The following GPX4 variants were observed in gnomAD, a reference collection of about 807,000 sequenced individuals.
The protein encoded by GPX4 is glutathione peroxidase 4, also known as phospholipid hydroperoxide glutathione peroxidase GPX4.
In GPX4, 28 loss-of-function variants were observed where a neutral mutation model predicts 27.8. The ratio of observed to expected loss-of-function variants is 1.01; its 90% CI spans 0.75 to 1.38. GPX4 has a LOEUF of 1.38. GPX4 is among the 40% of genes most tolerant of loss of function. The pLI is 0.00. For synonymous variants in GPX4, 163 were observed against 107.8 expected, an observed-to-expected ratio of 1.51 and a Z score of -3.17; for missense variants, 357 against 274.1, an observed-to-expected ratio of 1.30 and a Z score of -2.14.
At chr19:1,105,074 C>A in intron 1 of GPX4, 112 bp from the exon 2 acceptor site, 1 of 1,487,514 alleles carries the variant, frequency 6.7e-7, no homozygotes, top group Non-Finnish European at 9.2e-7. Context: ...GTCTTCAGGG[C>A]CGCAGGGCCT....
At chr19:1,104,645 C>T in intron 1 of GPX4, 2 of 985,412 alleles carry the variant, frequency 2.0e-6, no homozygotes, top group Non-Finnish European at 2.4e-6. Flanking sequence ...GCGTCACAGT[C>T]GCGCAGTCCT....
intron 5 of GPX4, 37 bp from the exon 6 acceptor site, chr19:1,106,363 G>A: frequency 1.2e-6 from 2 of 1,613,144 alleles, no homozygotes; most frequent in Non-Finnish European, 1.7e-6. Flanking sequence ...GCCCCTTGCA[G>A]GGGTGGCCCC....
chr19:1,104,737 G>C (rs1568531853), intron 1 of GPX4: 1 of 985,562 alleles, frequency 1.0e-6, no homozygotes, highest in Non-Finnish European at 1.2e-6. Context: ...GGGCGGGTAT[G>C]GGCCGCGCGG....
rs769640321 is a variant in GPX4, at chr19:1,106,276, C to T, written c.501+10C>T. 1.3e-6 allele frequency: 2 copies of T among 1,597,946 alleles called. No homozygotes were observed. The highest frequency in any genetic ancestry group is 1.7e-4 in the Middle Eastern group (1 of 6,024). On this transcript the variant is annotated intron_variant, in intron 5 of 6. Transcript: ENST00000354171. ...GTGGAACTTCACCAAGGTAAGGGGG[C>T]TGTGGGGGGTAGGGGACCAGCTTCC...
At position 1,104,144 on chromosome 19, in the gene GPX4, G is replaced by T; in HGVS notation, c.84+17G>T. On this transcript the variant is annotated intron_variant, in intron 1 of 6. Coordinates refer to ENST00000354171, the MANE Select transcript of GPX4 (RefSeq NM_002085.5). ...GGGACCATGGTGAGCTAGCGCCGCGGCCGTTGCCGGCCCGGTGACCGTTGG... is the reference window on the plus strand; with the variant it reads ...GGGACCATGGTGAGCTAGCGCCGCGTCCGTTGCCGGCCCGGTGACCGTTGG... 1 of 1,441,236 alleles carries T rather than the reference G, an allele frequency of 6.9e-7. No homozygotes were observed. The highest frequency in any genetic ancestry group is 9.1e-7 in the Non-Finnish European group (1 of 1,104,276). 89.3% of individuals were successfully genotyped at this position (1,441,236 alleles called of 1,614,324 possible).
At chr19:1,106,055 G>T in intron 4 of GPX4, 187 bp from the exon 5 acceptor site, 3 of 696,540 alleles carry the variant, frequency 4.3e-6, no homozygotes, top group Admixed American at 5.8e-5. Context: ...GGGGGCCTGT[G>T]GGGGGCTGTT....
rs374338127 is a variant in GPX4 at position 1,106,593 on chromosome 19, G to A, written c.*21G>A. On this transcript the variant is annotated 3_prime_UTR_variant, in exon 7 of 7. Transcript: ENST00000354171. Reference sequence around the variant, plus strand: ...TCTAGCTCCACAAGTGTGTGGCCCCGCCCGAGCCCCTGCCCACGCCCTTGG... The same window carrying A: ...TCTAGCTCCACAAGTGTGTGGCCCCACCCGAGCCCCTGCCCACGCCCTTGG... 25 of 1,612,834 alleles carry A rather than the reference G, an allele frequency of 1.6e-5. No homozygotes were observed. Among genetic ancestry groups the A allele is most frequent in the African/African-American group, 8.0e-5 (6 of 74,962 alleles).
At position 1,105,758 on chromosome 19, in the gene GPX4, C is replaced by A; in HGVS notation, c.425C>A (p.Pro142Gln). 2 of 1,558,732 alleles carry A rather than the reference C, an allele frequency of 1.3e-6. No individual in the cohort carries two copies. The highest frequency in any genetic ancestry group is 1.7e-4 in the Middle Eastern group (1 of 5,854). The change falls in exon 4 of 7, where the codon CCG becomes CAG. Residue 142 changes from proline (P) to glutamine (Q), a missense_variant. Physicochemically the swap from Pro to Gln is moderately conservative, Grantham distance 76. Transcript: ENST00000354171. ...KICVNGDDAH[P>Q]LWKWMKIQPK... ...TGCGTGAACGGGGACGACGCCCACC[C>A]GCTGTGGAAGTGGATGAAGATCCAA... is the stretch of plus-strand genomic sequence containing the variant.
Position 1,106,257 on chromosome 19 carries a change from C to G in GPX4, c.492C>G (p.Asn164Lys), listed in dbSNP as rs1489674381. The G allele has an allele frequency of 6.2e-7, 1 of 1,604,914 alleles. No homozygotes were observed. The highest frequency in any genetic ancestry group is 8.5e-7 in the Non-Finnish European group (1 of 1,175,030). ...KGILGNAIKW[N>K]FTKFLIDKNG... ...TCTTTTCCAGTGCCATCAAGTGGAACTTCACCAAGGTAAGGGGGCTGTGGG... is the reference window on the plus strand; with the variant it reads ...TCTTTTCCAGTGCCATCAAGTGGAAGTTCACCAAGGTAAGGGGGCTGTGGG... Residue 164 changes from asparagine (N) to lysine (K), a missense_variant, in exon 5 of 7, where the codon AAC becomes AAG. Asn to Lys is a moderately conservative substitution (Grantham distance 94). Coordinates refer to ENST00000354171, the MANE Select transcript of GPX4 (RefSeq NM_002085.5).
At chr19:1,104,722 G>A (rs1316921289) in intron 1 of GPX4, 2 of 984,938 alleles carry the variant, frequency 2.0e-6, no homozygotes, top group African/African-American at 3.5e-5. Context: ...GGAGGGGCGG[G>A]AGACGGGCGG....
At chr19:1,105,603 C>A in intron 3 of GPX4, 55 bp from the exon 4 acceptor site, 2 of 1,599,340 alleles carry the variant, frequency 1.3e-6, no homozygotes, top group South Asian at 2.2e-5. Context: ...GTGCAGGGGG[C>A]CCGGACTGAG....
At chr19:1,105,343 G>A (rs757673527) in intron 2 of GPX4, 23 bp from the exon 3 acceptor site, 2 of 1,611,920 alleles carry the variant, frequency 1.2e-6, no homozygotes, top group Admixed American at 1.7e-5. Context: ...GTTCTTCTGC[G>A]CTGACGCCGC....
chr19:1,104,270 G>C, intron 1 of GPX4, 143 bp downstream of exon 1: 1 of 722,276 alleles, frequency 1.4e-6, no homozygotes, highest in Non-Finnish European at 2.0e-6. Context: ...CCCCACCCCC[G>C]GCCGGGCACG....
chr19:1,104,436 C>T (rs1315269094), intron 1 of GPX4: 2 of 288,720 alleles, frequency 6.9e-6, no homozygotes, highest in Admixed American at 1.2e-4. Flanking sequence ...GTGCCGGGGC[C>T]GGGGTCGGGG....
Position 1,105,203 on chromosome 19 carries a change from C to T in GPX4, c.102C>T (p.Asp34=). ...LAGTMCASRD[D]WRCARSMHEF... Reference sequence around the variant, plus strand: ...CCTTGCAGTGCGCGTCCCGGGACGACTGGCGCTGTGCGCGCTCCATGCACG... The same window carrying T: ...CCTTGCAGTGCGCGTCCCGGGACGATTGGCGCTGTGCGCGCTCCATGCACG... The change falls in exon 2 of 7, where the codon GAC becomes GAT. Residue 34 remains aspartate, a synonymous_variant. Transcript: ENST00000354171. 9 of 1,613,048 alleles carry T rather than the reference C, an allele frequency of 5.6e-6. No homozygotes were observed. The highest frequency in any genetic ancestry group is 7.6e-6 in the Non-Finnish European group (9 of 1,179,894).
In GPX4 at chr19:1,105,403, T is replaced by C. The variant is rs2079636185; in HGVS notation, c.217T>C (p.Sec73Arg). ...VCIVTNVASQ[U>R]GKTEVNYTQL... ...CATCGTCACCAACGTGGCCTCCCAG[T>C]GAGGCAAGACCGAAGTAAACTACAC... The change falls in exon 3 of 7, where the codon TGA becomes CGA. Residue 73 changes from selenocysteine (U) to arginine (R), a missense_variant. Coordinates refer to ENST00000354171, the MANE Select transcript of GPX4 (RefSeq NM_002085.5). 1 of 1,611,222 alleles carries C rather than the reference T, an allele frequency of 6.2e-7. No individual in the cohort carries two copies. The highest frequency in any genetic ancestry group is 8.5e-7 in the Non-Finnish European group (1 of 1,178,678).
intron 6 of GPX4, 30 bp downstream of exon 6, chr19:1,106,489 G>A (rs762675618): frequency 1.2e-6 from 2 of 1,612,368 alleles, no homozygotes; most frequent in Admixed American, 1.7e-5. Context: ...CCCGCTTGAG[G>A]CTCGGGGGCT....
intron 1 of GPX4, chr19:1,104,767 C>G: frequency 1.0e-6 from 1 of 987,196 alleles, no homozygotes. Context: ...CCCCCGGGCG[C>G]CGCAGGCAGC....
In GPX4 at chr19:1,104,033, G is replaced by C; in HGVS notation, c.-11G>C. On this transcript the variant is annotated 5_prime_UTR_variant, in exon 1 of 7. Coordinates refer to ENST00000354171, the MANE Select transcript of GPX4 (RefSeq NM_002085.5). ...CGAGGGGAGGAGCCGCTGGCTCCCAGCCCCGCCGCGATGAGCCTCGGCCGC... is the reference window on the plus strand; with the variant it reads ...CGAGGGGAGGAGCCGCTGGCTCCCACCCCCGCCGCGATGAGCCTCGGCCGC... 1.3e-6 allele frequency: 2 copies of C among 1,518,238 alleles called. No individual in the cohort carries two copies. Among genetic ancestry groups the C allele is most frequent in the Non-Finnish European group, 1.8e-6 (2 of 1,139,336 alleles). The allele number at this position is 1,518,238 out of a possible 1,614,324, so 94.0% of individuals were successfully genotyped here. A position where few individuals can be genotyped will look rare whatever the true frequency, so the allele number is the denominator to read the frequency against.
Sources: allele counts gnomAD v4.1 joint callset, GRCh38; gene constraint gnomAD v4.1.1; transcripts MANE v1.5; gene names NCBI Gene and HGNC (gene_info 2026-07-23, HGNC 2026-07-21).